The following MINDY3 variants were observed in gnomAD, a reference collection of about 807,000 sequenced individuals.
MINDY3 encodes ubiquitin carboxyl-terminal hydrolase MINDY-3.
A neutral mutation model predicts 69.2 loss-of-function variants in MINDY3; 38 were observed. The observed-to-expected ratio is 0.55, with a 90% CI of 0.42 to 0.72. The LOEUF (loss-of-function observed/expected upper bound fraction) is 0.72. Among genes scored for constraint, MINDY3 ranks in the 30% least tolerant of loss-of-function variants. The pLI is 0.00. For synonymous variants in MINDY3, 192 were observed against 180.1 expected (o/e 1.07, Z -0.53); for missense variants, 522 against 519.0 (o/e 1.01, Z -0.06).
chr10:15,802,195 T>A (rs985114959), intron 10 of MINDY3, among the ~76,000 whole-genome samples: 43 of 152,050 alleles, frequency 2.8e-4, no homozygotes, highest in African/African-American at 1.0e-3. Flanking sequence ...TGCAGGGGGT[T>A]AGCACCCCAA....
At chr10:15,826,980 C>T (rs1239283665) in intron 8 of MINDY3, among the ~76,000 whole-genome samples, 1 of 151,736 alleles carries the variant, frequency 6.6e-6, no homozygotes, top group African/African-American at 2.4e-5. Flanking sequence ...TGGAGCCGGG[C>T]ATGATGGTGC....
At chr10:15,810,177 T>G (rs1838901252) in intron 10 of MINDY3, among the ~76,000 whole-genome samples, 1 of 152,156 alleles carries the variant, frequency 6.6e-6, no homozygotes, top group Non-Finnish European at 1.5e-5. Context: ...ATAAGTTCAT[T>G]AAGTAAATAC....
chr10:15,779,278 G>T, intron 14 of MINDY3, 137 bp from the exon 15 acceptor site: 2 of 637,832 alleles, frequency 3.1e-6, no homozygotes, highest in Non-Finnish European at 4.8e-6. Context: ...ATTTTATTTT[G>T]CTAGAAATGA....
At chr10:15,814,876 C>T (rs1342735661) in intron 10 of MINDY3, among the ~76,000 whole-genome samples, 1 of 152,162 alleles carries the variant, frequency 6.6e-6, no homozygotes, top group African/African-American at 2.4e-5. Context: ...CTAACTTTTT[C>T]AGATAATGTC....
chr10:15,854,548 A>T (rs1349894884), intron 1 of MINDY3, among the ~76,000 whole-genome samples: 3 of 152,124 alleles, frequency 2.0e-5, no homozygotes, highest in Non-Finnish European at 4.4e-5. Flanking sequence ...GGCCTAGGAG[A>T]AGAAGTAAAT....
At chr10:15,817,041 C>T (rs1425380187) in intron 9 of MINDY3, 126 bp from the exon 10 acceptor site, 2 of 697,204 alleles carry the variant, frequency 2.9e-6, no homozygotes, top group South Asian at 1.9e-5. Flanking sequence ...TGTATTGTGC[C>T]CGAGCACTTC....
At chr10:15,839,574 G>C (rs567673975) in intron 4 of MINDY3, among the ~76,000 whole-genome samples, 15 of 151,614 alleles carry the variant, frequency 9.9e-5, no homozygotes, top group Admixed American at 8.6e-4. Flanking sequence ...TAGACATAAA[G>C]ATAATAATTT....
Position 15,842,422 on chromosome 10 carries a change from A to C in MINDY3, c.235+790T>G, listed in dbSNP as rs193073348. On this transcript the variant is annotated intron_variant, in intron 3 of 14. Coordinates refer to ENST00000277632, the MANE Select transcript of MINDY3 (RefSeq NM_024948.4). Reference sequence around the variant, plus strand: ...GAATATAGTATAAGAAATAGTATAAATTTTATTAAAAGTTCATTTCAAAAA... The same window carrying C: ...GAATATAGTATAAGAAATAGTATAACTTTTATTAAAAGTTCATTTCAAAAA... Among the ~76,000 whole-genome samples the C allele has an allele frequency of 8.1e-3, 1,229 of 151,968 alleles. 7 individuals carry two copies. The highest frequency in any genetic ancestry group is 0.013 in the Non-Finnish European group (893 of 67,788).
intron 1 of MINDY3, among the ~76,000 whole-genome samples, chr10:15,859,864 A>G (rs1270815802): frequency 1.3e-5 from 2 of 152,232 alleles, no homozygotes; most frequent in Non-Finnish European, 2.9e-5. Flanking sequence ...GGAAGGCCAC[A>G]GCACCCCTTG....
chr10:15,816,681 G>A (rs1466527779), intron 10 of MINDY3, among the ~76,000 whole-genome samples, 154 bp downstream of exon 10: 1 of 152,158 alleles, frequency 6.6e-6, no homozygotes, highest in Non-Finnish European at 1.5e-5. Context: ...CACGAAAACA[G>A]TATGTTCTTC....
At chr10:15,796,607 T>C (rs1837858409) in intron 10 of MINDY3, among the ~76,000 whole-genome samples, 1 of 151,334 alleles carries the variant, frequency 6.6e-6, no homozygotes, top group South Asian at 2.1e-4. Flanking sequence ...AATCCAGAGA[T>C]TTATTATAGC....
chr10:15,831,074 T>C (rs2132044374), intron 8 of MINDY3, among the ~76,000 whole-genome samples: 1 of 152,192 alleles, frequency 6.6e-6, no homozygotes, highest in African/African-American at 2.4e-5. Flanking sequence ...TAAAGTCAGC[T>C]GAGAGTGAGT....
intron 5 of MINDY3, 136 bp downstream of exon 5, chr10:15,838,092 T>C (rs1651748296): frequency 1.6e-6 from 2 of 1,284,252 alleles, no homozygotes; most frequent in Non-Finnish European, 2.0e-6. Flanking sequence ...AAATTAATCC[T>C]GAAGCAATGG....
intron 12 of MINDY3, 45 bp downstream of exon 12, chr10:15,789,202 C>A: frequency 1.3e-6 from 2 of 1,482,360 alleles, no homozygotes; most frequent in South Asian, 2.3e-5. Context: ...TAAACTTAAT[C>A]GAATCTTTTT....
At chr10:15,840,202 C>G (rs954709620) in intron 4 of MINDY3, among the ~76,000 whole-genome samples, 13 of 151,698 alleles carry the variant, frequency 8.6e-5, no homozygotes, top group Non-Finnish European at 8.9e-5. Flanking sequence ...AACACCCACA[C>G]AGTAAAACCT....
intron 8 of MINDY3, among the ~76,000 whole-genome samples, chr10:15,828,266 T>C (rs1269790317): frequency 6.6e-6 from 1 of 152,206 alleles, no homozygotes; most frequent in Non-Finnish European, 1.5e-5. Flanking sequence ...TACTGGTACA[T>C]GCTAAAACAT....
rs989554481 is a variant in MINDY3 at position 15,831,635 on chromosome 10, C to T, written c.730+1995G>A. ...CTAATATATTCTGTACAGGAAGTAA[C>T]GACTTCACGTCAAGAGCTGCCTAAG... On this transcript the variant is annotated intron_variant, in intron 8 of 14. Coordinates refer to ENST00000277632, the MANE Select transcript of MINDY3 (RefSeq NM_024948.4). 4.6e-5 allele frequency among the ~76,000 whole-genome samples: 7 copies of T among 151,090 alleles called. No homozygotes were observed. In the East Asian group the frequency reaches 7.8e-4, roughly 17 times the overall value.
intron 13 of MINDY3, among the ~76,000 whole-genome samples, chr10:15,783,669 GTTTAA>G (rs1336500282): frequency 6.6e-6 from 1 of 152,090 alleles, no homozygotes; most frequent in Admixed American, 6.6e-5. Flanking sequence ...TTGAAAGACT[GTTTAA>G]TTTTTCATGT....
intron 10 of MINDY3, 119 bp from the exon 11 acceptor site, chr10:15,796,291 G>C: frequency 1.3e-6 from 1 of 759,380 alleles, no homozygotes; most frequent in Non-Finnish European, 2.3e-6. Flanking sequence ...AGTTACATTT[G>C]TATCATAGAT....
Sources: allele counts gnomAD v4.1 joint callset (sites outside exome capture counted in the v4.1 genomes callset), GRCh38; gene constraint gnomAD v4.1.1; transcripts MANE v1.5; gene names NCBI Gene and HGNC (gene_info 2026-07-23, HGNC 2026-07-21).